CDK5: variants seen among roughly 807,000 people sequenced by gnomAD.
CDK5 encodes the protein cyclin-dependent kinase 5.
A neutral mutation model predicts 44.6 loss-of-function variants in CDK5; 18 were observed. The observed-to-expected ratio is 0.40, with a 90% CI of 0.28 to 0.60. CDK5 has a LOEUF of 0.60. Among genes scored for constraint, CDK5 ranks in the 20% least tolerant of loss-of-function variants. The pLI is 0.38. For missense variants in CDK5, 198 were observed against 368.1 expected, an observed-to-expected ratio of 0.54 and a Z score of 3.78; for synonymous variants, 143 against 152.8, an observed-to-expected ratio of 0.94 and a Z score of 0.47.
chr7:151,056,441 G>A lies in CDK5; in HGVS notation c.312+139C>T, dbSNP rs749022122. The A allele has an allele frequency of 2.5e-5, 18 of 730,296 alleles. No individual in the cohort carries two copies. Among genetic ancestry groups the A allele is most frequent in the Non-Finnish European group, 4.0e-5 (17 of 421,918 alleles). 45.2% of individuals were successfully genotyped at this position (730,296 alleles called of 1,614,324 possible). On this transcript the variant is annotated intron_variant, in intron 5 of 11. Transcript: ENST00000485972. The surrounding 1 kb of genome is among the most constrained non-coding windows in gnomAD (Gnocchi z 4.7). ...TCACTAAGACTGGAGACCCCTGGAG[G>A]ACAGAAACAGGGTTTTCTCATTCTC...
Position 151,057,171 on chromosome 7 carries a change from G to A in CDK5, c.38-11C>T. The A allele has an allele frequency of 1.9e-6, 3 of 1,608,170 alleles. No individual in the cohort carries two copies. Among genetic ancestry groups the A allele is most frequent in the Non-Finnish European group, 1.7e-6 (2 of 1,174,598 alleles). On this transcript the variant is annotated splice_polypyrimidine_tract_variant and intron_variant, in intron 1 of 11. Coordinates refer to ENST00000485972, the MANE Select transcript of CDK5 (RefSeq NM_004935.4). This position sits in a 1 kb window ranked among gnomAD's most constrained non-coding sequence, Gnocchi z 5.2. ...CAGTTCCGTAGGTGCCTAGGGGAAGGAGGTCAGGGGTCAGGGTGAGGATGC... is the reference window on the plus strand; with the variant it reads ...CAGTTCCGTAGGTGCCTAGGGGAAGAAGGTCAGGGGTCAGGGTGAGGATGC...
chr7:151,054,386 C>T lies in CDK5; in HGVS notation c.711+19G>A. 6.2e-7 allele frequency: 1 copy of T among 1,613,122 alleles called. No homozygotes were observed. The highest frequency in any genetic ancestry group is 8.5e-7 in the Non-Finnish European group (1 of 1,179,328). ...CGAGTGACCCTGATGAACCATGACC[C>T]CCACATTCCCCATCACACCTTATAG... On this transcript the variant is annotated intron_variant, in intron 10 of 11. Coordinates refer to ENST00000485972, the MANE Select transcript of CDK5 (RefSeq NM_004935.4). This position sits in a 1 kb window ranked among gnomAD's most constrained non-coding sequence, Gnocchi z 5.7.
At position 151,056,082 on chromosome 7, in the gene CDK5, C is replaced by A; in HGVS notation, c.313-234G>T. ...GTCCCCACCTTCCTGGACCATACAG[C>A]CTAATGGGCCTTGGCAGGTGGATCC... On this transcript the variant is annotated intron_variant, in intron 5 of 11. Coordinates refer to ENST00000485972, the MANE Select transcript of CDK5 (RefSeq NM_004935.4). This position sits in a 1 kb window ranked among gnomAD's most constrained non-coding sequence, Gnocchi z 4.7. 1 of 568,644 alleles carries A rather than the reference C, an allele frequency of 1.8e-6. No homozygotes were observed. Among genetic ancestry groups the A allele is most frequent in the Non-Finnish European group, 3.1e-6 (1 of 318,766 alleles). 35.2% of individuals were successfully genotyped at this position (568,644 alleles called of 1,614,324 possible). A position where few individuals can be genotyped will look rare whatever the true frequency, so the allele number is the denominator to read the frequency against.
intron 5 of CDK5, 82 bp from the exon 6 acceptor site, chr7:151,055,930 C>T: frequency 1.2e-6 from 1 of 865,756 alleles, no homozygotes; most frequent in Non-Finnish European, 1.9e-6. Flanking sequence ...TCTCCTCACC[C>T]TGTGCTTCGC....
chr7:151,056,105 TCCTAGATCCGG>T lies in CDK5; in HGVS notation c.313-268_313-258del. On this transcript the variant is annotated intron_variant, in intron 5 of 11. Coordinates refer to ENST00000485972, the MANE Select transcript of CDK5 (RefSeq NM_004935.4). This position sits in a 1 kb window ranked among gnomAD's most constrained non-coding sequence, Gnocchi z 4.7. ...AGCCTAATGGGCCTTGGCAGGTGGA[TCCTAGATCCGG>T]CCTAGATCCCAGCCCATGCTGATCT... 1.8e-6 allele frequency: 1 copy of T among 552,472 alleles called. No individual in the cohort carries two copies. Among genetic ancestry groups the T allele is most frequent in the South Asian group, 2.4e-5 (1 of 41,276 alleles). 34.2% of individuals were successfully genotyped at this position (552,472 alleles called of 1,614,324 possible).
Position 151,056,292 on chromosome 7 carries a change from G to GT in CDK5, c.312+287dup. ...CACCTGGCACACAGTGAAGCATTCA[G>GT]TAAGTATGTGTTGAATGAATGAGTG... is the stretch of plus-strand genomic sequence containing the variant. On this transcript the variant is annotated intron_variant, in intron 5 of 11. Transcript: ENST00000485972. This position sits in a 1 kb window ranked among gnomAD's most constrained non-coding sequence, Gnocchi z 4.7. 1.8e-6 allele frequency: 1 copy of GT among 570,334 alleles called. No individual in the cohort carries two copies. The highest frequency in any genetic ancestry group is 3.1e-6 in the Non-Finnish European group (1 of 320,318). The allele number at this position is 570,334 out of a possible 1,614,324, so 35.3% of individuals were successfully genotyped here.
In CDK5 at chr7:151,056,561, C is replaced by A; in HGVS notation, c.312+19G>T. 6.2e-7 allele frequency: 1 copy of A among 1,607,990 alleles called. No individual in the cohort carries two copies. ...CTCCGACCCCAGCCTGAGGGGTCCC[C>A]CAACACCACTCTCCTCACCTTTACA... On this transcript the variant is annotated intron_variant, in intron 5 of 11. Coordinates refer to ENST00000485972, the MANE Select transcript of CDK5 (RefSeq NM_004935.4). The surrounding 1 kb of genome is among the most constrained non-coding windows in gnomAD (Gnocchi z 4.7).
Position 151,056,409 on chromosome 7 carries a change from A to C in CDK5, c.312+171T>G. 2 of 625,498 alleles carry C rather than the reference A, an allele frequency of 3.2e-6. No homozygotes were observed. Among genetic ancestry groups the C allele is most frequent in the South Asian group, 3.8e-5 (2 of 52,706 alleles). 38.7% of individuals were successfully genotyped at this position (625,498 alleles called of 1,614,324 possible). The stretch of plus-strand genomic sequence containing the variant: ...TGTGCGGGTCAAAGATGACCACGTG[A>C]AAATGCTCACTAAGACTGGAGACCC... On this transcript the variant is annotated intron_variant, in intron 5 of 11. Transcript: ENST00000485972. The surrounding 1 kb of genome is among the most constrained non-coding windows in gnomAD (Gnocchi z 4.7).
chr7:151,057,172 A>G lies in CDK5; in HGVS notation c.38-12T>C. ...AGTTCCGTAGGTGCCTAGGGGAAGGAGGTCAGGGGTCAGGGTGAGGATGCG... is the reference window on the plus strand; with the variant it reads ...AGTTCCGTAGGTGCCTAGGGGAAGGGGGTCAGGGGTCAGGGTGAGGATGCG... On this transcript the variant is annotated splice_polypyrimidine_tract_variant and intron_variant, in intron 1 of 11. Coordinates refer to ENST00000485972, the MANE Select transcript of CDK5 (RefSeq NM_004935.4). The surrounding 1 kb of genome is among the most constrained non-coding windows in gnomAD (Gnocchi z 5.2). The G allele has an allele frequency of 6.8e-6, 11 of 1,607,842 alleles. No individual in the cohort carries two copies. The highest frequency in any genetic ancestry group is 9.4e-6 in the Non-Finnish European group (11 of 1,174,370).
At position 151,054,153 on chromosome 7, in the gene CDK5, C is replaced by G. The variant is rs994259674; in HGVS notation, c.793-58G>C. The G allele has an allele frequency of 3.8e-6, 6 of 1,589,282 alleles. No individual in the cohort carries two copies. In the African/African-American group the frequency reaches 8.1e-5, roughly 21 times the overall value. ...GGACAGGTCACTGCCCAGAGCCCTG[C>G]CTTCCTGTAGTCCCACTGGGCAAGT... On this transcript the variant is annotated intron_variant, in intron 11 of 11. Coordinates refer to ENST00000485972, the MANE Select transcript of CDK5 (RefSeq NM_004935.4). This position sits in a 1 kb window ranked among gnomAD's most constrained non-coding sequence, Gnocchi z 5.7.
In CDK5 at chr7:151,056,830, C is replaced by A. The variant is rs1489186761; in HGVS notation, c.195-34G>T. 2 of 1,601,404 alleles carry A rather than the reference C, an allele frequency of 1.2e-6. No individual in the cohort carries two copies. Among genetic ancestry groups the A allele is most frequent in the African/African-American group, 1.3e-5 (1 of 74,700 alleles). ...AAAGAAGGGCTCAGCCAGGCAGGTC[C>A]GCCTGACAGACGTCCAGTGTCAGCC... On this transcript the variant is annotated intron_variant, in intron 3 of 11. Coordinates refer to ENST00000485972, the MANE Select transcript of CDK5 (RefSeq NM_004935.4). This position sits in a 1 kb window ranked among gnomAD's most constrained non-coding sequence, Gnocchi z 4.7.
rs984252869 is a variant in CDK5, at chr7:151,054,965, T to C, written c.650+62A>G. Reference sequence around the variant, plus strand: ...ACACCATCACTGCCCTCACCCATTGTGCTCAAAACTCCATGGACTCTCCCC... The same window carrying C: ...ACACCATCACTGCCCTCACCCATTGCGCTCAAAACTCCATGGACTCTCCCC... On this transcript the variant is annotated intron_variant, in intron 9 of 11. Coordinates refer to ENST00000485972, the MANE Select transcript of CDK5 (RefSeq NM_004935.4). The surrounding 1 kb of genome is among the most constrained non-coding windows in gnomAD (Gnocchi z 5.7). 5.9e-6 allele frequency: 9 copies of C among 1,529,404 alleles called. No individual in the cohort carries two copies. The Admixed American group carries it at 6.8e-5, about 12-fold the overall frequency. The allele number at this position is 1,529,404 out of a possible 1,614,324, so 94.7% of individuals were successfully genotyped here.
rs1796865774 is a variant in CDK5, at chr7:151,054,973, A to G, written c.650+54T>C. 6 of 1,580,004 alleles carry G rather than the reference A, an allele frequency of 3.8e-6. No homozygotes were observed. The highest frequency in any genetic ancestry group is 1.1e-5 in the South Asian group (1 of 90,058). On this transcript the variant is annotated intron_variant, in intron 9 of 11. Transcript: ENST00000485972. This position sits in a 1 kb window ranked among gnomAD's most constrained non-coding sequence, Gnocchi z 5.7. ...ACTGCCCTCACCCATTGTGCTCAAA[A>G]CTCCATGGACTCTCCCCTCCCAGAG...
rs774352068 is a variant in CDK5 at position 151,055,499 on chromosome 7, T to A, written c.483+33A>T. The A allele has an allele frequency of 3.1e-6, 5 of 1,593,960 alleles. No homozygotes were observed. In the Admixed American group the frequency reaches 6.7e-5, roughly 21 times the overall value. On this transcript the variant is annotated intron_variant, in intron 7 of 11. Coordinates refer to ENST00000485972, the MANE Select transcript of CDK5 (RefSeq NM_004935.4). The stretch of plus-strand genomic sequence containing the variant: ...CTGGGGTTGGAGCTGAGGGACTCCC[T>A]CCCCCAATCCCATATCCCATCTTCT...
rs753222804 is a variant in CDK5, at chr7:151,055,378, A to T, written c.484-5T>A. On this transcript the variant is annotated splice_region_variant and splice_polypyrimidine_tract_variant and intron_variant, in intron 7 of 11. Coordinates refer to ENST00000485972, the MANE Select transcript of CDK5 (RefSeq NM_004935.4). ...GCGGTACCACAGTGTGACCACCTGG[A>T]GGAGACCCCCCCCGAAAGGGACCTC... 4.3e-6 allele frequency: 7 copies of T among 1,610,530 alleles called. No homozygotes were observed. In the South Asian group the frequency reaches 7.7e-5, roughly 18 times the overall value.
Position 151,057,341 on chromosome 7 carries a change from C to T in CDK5, c.38-181G>A. On this transcript the variant is annotated intron_variant, in intron 1 of 11. Coordinates refer to ENST00000485972, the MANE Select transcript of CDK5 (RefSeq NM_004935.4). This position sits in a 1 kb window ranked among gnomAD's most constrained non-coding sequence, Gnocchi z 5.2. ...AGGTGGGGAGGGAGGAGAAGGTGCCCACCGAGGCTCCAGGGGCTCGGCAGG... is the reference window on the plus strand; with the variant it reads ...AGGTGGGGAGGGAGGAGAAGGTGCCTACCGAGGCTCCAGGGGCTCGGCAGG... The T allele has an allele frequency of 1.6e-6, 1 of 643,506 alleles. No homozygotes were observed. The highest frequency in any genetic ancestry group is 3.2e-4 in the Middle Eastern group (1 of 3,116). The allele number at this position is 643,506 out of a possible 1,614,324, so 39.9% of individuals were successfully genotyped here. A position where few individuals can be genotyped will look rare whatever the true frequency, so the allele number is the denominator to read the frequency against.
In CDK5 at chr7:151,054,253, C is replaced by T. The variant is rs1182050962; in HGVS notation, c.751G>A (p.Val251Ile). The T allele has an allele frequency of 1.2e-6, 2 of 1,613,494 alleles. No homozygotes were observed. The highest frequency in any genetic ancestry group is 1.6e-4 in the Middle Eastern group (1 of 6,082). The part of the protein sequence containing the change: ...MYPATTSLVN[V>I]VPKLNATGRD... ...CCTGTGGCATTGAGTTTGGGCACGA[C>T]GTTCACCAGGGATGTTGTGGCCGGG... Residue 251 changes from valine (V) to isoleucine (I), a missense_variant, in exon 11 of 12, where the codon GTC becomes ATC. Around this residue, in one of 4 missense-constraint regions of CDK5, gnomAD observed 81 missense variants for 102.1 expected, o/e 0.79. Coordinates refer to ENST00000485972, the MANE Select transcript of CDK5 (RefSeq NM_004935.4). This position sits in a 1 kb window ranked among gnomAD's most constrained non-coding sequence, Gnocchi z 5.7.
In CDK5 at chr7:151,054,128, G is replaced by A; in HGVS notation, c.793-33C>T. 6.3e-7 allele frequency: 1 copy of A among 1,590,392 alleles called. No homozygotes were observed. ...TGGGGGAAAGGAGGTGGCAGGTTCA[G>A]GACAGGTCACTGCCCAGAGCCCTGC... On this transcript the variant is annotated intron_variant, in intron 11 of 11. Coordinates refer to ENST00000485972, the MANE Select transcript of CDK5 (RefSeq NM_004935.4). The surrounding 1 kb of genome is among the most constrained non-coding windows in gnomAD (Gnocchi z 5.7).
rs748013524 is a variant in CDK5 at position 151,055,749 on chromosome 7, G to A, written c.408+4C>T. 9.3e-6 allele frequency: 15 copies of A among 1,604,588 alleles called. No homozygotes were observed. Among genetic ancestry groups the A allele is most frequent in the Admixed American group, 1.7e-5 (1 of 59,248 alleles). ...CCATTCCCCACCTTCTTCCCAAGAAGTACCCTGTTTATTAGCAGGTTCTGG... is the reference window on the plus strand; with the variant it reads ...CCATTCCCCACCTTCTTCCCAAGAAATACCCTGTTTATTAGCAGGTTCTGG... On this transcript the variant is annotated splice_donor_region_variant and intron_variant, in intron 6 of 11. Coordinates refer to ENST00000485972, the MANE Select transcript of CDK5 (RefSeq NM_004935.4).
Sources: gnomAD v4.1 joint callset for allele counts on GRCh38, gnomAD v4.1.1 for gene constraint, gnomAD v4.1.1 regional missense constraint, Gnocchi (gnomAD v3.1) non-coding constraint, MANE v1.5 for transcripts, NCBI Gene and HGNC (gene_info 2026-07-23, HGNC 2026-07-21) for gene names.